ADGRG6: variants seen among roughly 807,000 people sequenced by gnomAD.
ADGRG6 encodes the protein G-protein coupled receptor 126.
ADGRG6 carries 84 observed loss-of-function variants against 142.4 expected under a neutral mutation model. The ratio of observed to expected loss-of-function variants is 0.59; its 90% CI spans 0.49 to 0.71. The LOEUF (loss-of-function observed/expected upper bound fraction) is 0.71, where lower values mean the gene tolerates loss of function less well. Among genes scored for constraint, ADGRG6 ranks in the 30% least tolerant of loss-of-function variants. ADGRG6 has a pLI of 0.00. For missense variants in ADGRG6, 1,367 were observed against 1,466.6 expected (o/e 0.93, Z 1.11); for synonymous variants, 521 against 520.5 (o/e 1.00, Z -0.01).
chr6:142,350,377 T>TG (rs1780112363), intron 2 of ADGRG6, among the ~76,000 whole-genome samples: 1 of 152,196 alleles, frequency 6.6e-6, no homozygotes, highest in Non-Finnish European at 1.5e-5. Flanking sequence ...ATTTCAAAAA[T>TG]GAAGTGCACA....
At chr6:142,423,342 A>G (rs1251940772) in intron 22 of ADGRG6, among the ~76,000 whole-genome samples, 50 of 151,044 alleles carry the variant, frequency 3.3e-4, no homozygotes, top group Middle Eastern at 3.4e-3. Context: ...TGATTTTTGT[A>G]TAAGGTGTAA....
intron 2 of ADGRG6, among the ~76,000 whole-genome samples, chr6:142,317,886 T>G (rs1443873709): frequency 3.5e-4 from 27 of 78,188 alleles, no homozygotes; most frequent in African/African-American, 1.5e-3. Flanking sequence ...TTATATATAT[T>G]TATATTATAT....
chr6:142,427,333 G>A (rs1776993112), intron 22 of ADGRG6, among the ~76,000 whole-genome samples: 1 of 152,108 alleles, frequency 6.6e-6, no homozygotes, highest in Admixed American at 6.6e-5. Context: ...TCTCTAGGGT[G>A]GGATCAAAAT....
chr6:142,440,023 C>G (rs1332517091), intron 24 of ADGRG6, among the ~76,000 whole-genome samples: 1 of 152,038 alleles, frequency 6.6e-6, no homozygotes, highest in Non-Finnish European at 1.5e-5. Context: ...AGGAATTAAA[C>G]CAAATGAATT....
At chr6:142,314,649 A>C in intron 2 of ADGRG6, among the ~76,000 whole-genome samples, 1 of 152,208 alleles carries the variant, frequency 6.6e-6, no homozygotes, top group East Asian at 1.9e-4. Context: ...TTGTTGCATT[A>C]AAAATGGATG....
intron 22 of ADGRG6, among the ~76,000 whole-genome samples, chr6:142,431,115 G>A (rs1055659983): frequency 2.6e-5 from 4 of 151,274 alleles, no homozygotes; most frequent in Non-Finnish European, 5.9e-5. Context: ...TTAAAGCTAA[G>A]CATATATCTC....
At chr6:142,405,662 C>T (rs1418802931) in intron 14 of ADGRG6, 26 bp from the exon 15 acceptor site, 4 of 1,575,636 alleles carry the variant, frequency 2.5e-6, no homozygotes, top group African/African-American at 2.7e-5. Flanking sequence ...GATTACTTGA[C>T]CAATATATCT....
At chr6:142,395,945 GT>G (rs998070176) in intron 9 of ADGRG6, among the ~76,000 whole-genome samples, 2 of 152,064 alleles carry the variant, frequency 1.3e-5, no homozygotes, top group African/African-American at 4.8e-5. Flanking sequence ...CCACAGAGAG[GT>G]TTTTTTCAAA....
intron 9 of ADGRG6, among the ~76,000 whole-genome samples, chr6:142,397,047 A>C (rs551711650): frequency 2.6e-5 from 4 of 151,144 alleles, no homozygotes; most frequent in African/African-American, 9.7e-5. Flanking sequence ...TTATTTTGTG[A>C]AACTTTTTAC....
intron 2 of ADGRG6, among the ~76,000 whole-genome samples, chr6:142,365,596 G>A (rs1332566378): frequency 6.6e-6 from 1 of 152,148 alleles, no homozygotes; most frequent in Non-Finnish European, 1.5e-5. Context: ...CTCCAGGGAT[G>A]GATAAGAGAA....
Position 142,373,177 on chromosome 6 carries a change from A to G in ADGRG6, c.1069+2384A>G, listed in dbSNP as rs903390584. 5.3e-5 allele frequency among the ~76,000 whole-genome samples: 8 copies of G among 152,292 alleles called. No homozygotes were observed. The South Asian group carries it at 1.7e-3, about 32-fold the overall frequency. On this transcript the variant is annotated intron_variant, in intron 4 of 24. Transcript: ENST00000367609. ...GCCAAGCCAGGATTGGAGCTTGGAA[A>G]GTTTGGTATTAGAGCTGTGCTCTTC...
At chr6:142,437,687 G>A (rs900416776) in intron 23 of ADGRG6, among the ~76,000 whole-genome samples, 152 bp downstream of exon 23, 1 of 152,048 alleles carries the variant, frequency 6.6e-6, no homozygotes, top group African/African-American at 2.4e-5. Context: ...GAATATCAGG[G>A]CTGGAAGAGA....
At position 142,309,547 on chromosome 6, in the gene ADGRG6, G is replaced by A; in HGVS notation, c.6G>A (p.Met2Ile). ...TTGCCATCTTCTTTCTTTGCAGGATGTTTCGCTCAGATCGAATGTGGAGCT... is the reference window on the plus strand; with the variant it reads ...TTGCCATCTTCTTTCTTTGCAGGATATTTCGCTCAGATCGAATGTGGAGCT... Reference protein sequence around the residue: MMFRSDRMWSCH... With the variant: MIFRSDRMWSCH... Residue 2 changes from methionine (M) to isoleucine (I), a missense_variant, in exon 2 of 25, where the codon ATG becomes ATA. By Grantham distance (10) the Met-to-Ile change is conservative (BLOSUM62 1). Around this residue, in one of 3 missense-constraint regions of ADGRG6, gnomAD observed 737 missense variants for 746.5 expected, o/e 0.99. Coordinates refer to ENST00000367609, the MANE Select transcript of ADGRG6 (RefSeq NM_198569.3). 3.1e-6 allele frequency: 5 copies of A among 1,605,740 alleles called. No homozygotes were observed. The highest frequency in any genetic ancestry group is 2.2e-5 in the South Asian group (2 of 89,750).
rs546519727 is a variant in ADGRG6 at position 142,436,121 on chromosome 6, T to C, written c.3320-1313T>C. On this transcript the variant is annotated intron_variant, in intron 22 of 24. Coordinates refer to ENST00000367609, the MANE Select transcript of ADGRG6 (RefSeq NM_198569.3). ...TATGTGTTGGAATCCTGGTGGGGGGTAGGGGAGAGAAAGGGGCAGAACCAA... is the reference window on the plus strand; with the variant it reads ...TATGTGTTGGAATCCTGGTGGGGGGCAGGGGAGAGAAAGGGGCAGAACCAA... Among the ~76,000 whole-genome samples, 10 of 151,086 alleles carry C rather than the reference T, an allele frequency of 6.6e-5. No homozygotes were observed. In the South Asian group the frequency reaches 2.1e-3, roughly 32 times the overall value.
At chr6:142,341,269 G>A (rs747883563) in intron 2 of ADGRG6, among the ~76,000 whole-genome samples, 10 of 148,730 alleles carry the variant, frequency 6.7e-5, no homozygotes, top group Non-Finnish European at 1.5e-4. Context: ...GTGACTTTTG[G>A]CAGTTACTTA....
intron 1 of ADGRG6, 22 bp downstream of exon 1, chr6:142,302,353 G>T: frequency 6.2e-7 from 1 of 1,611,828 alleles, no homozygotes; most frequent in Non-Finnish European, 8.5e-7. Context: ...CTTTCAGCTT[G>T]GAATTCCTTC....
chr6:142,411,462 C>T, intron 18 of ADGRG6, 51 bp downstream of exon 18: 1 of 881,812 alleles, frequency 1.1e-6, no homozygotes, highest in East Asian at 2.4e-5. Flanking sequence ...CTTTGGATGG[C>T]ATACTCCTTT....
chr6:142,377,724 A>G (rs978083232), intron 4 of ADGRG6, among the ~76,000 whole-genome samples: 5 of 152,314 alleles, frequency 3.3e-5, no homozygotes, highest in African/African-American at 1.2e-4. Flanking sequence ...TAAATCCATC[A>G]GCCAAAGAAA....
chr6:142,442,150 A>G (rs552197024), intron 24 of ADGRG6, among the ~76,000 whole-genome samples: 9 of 152,204 alleles, frequency 5.9e-5, no homozygotes, highest in Non-Finnish European at 1.3e-4. Context: ...CTCAAAATGT[A>G]AAAAGCATTG....
Sources: allele counts gnomAD v4.1 joint callset (sites outside exome capture counted in the v4.1 genomes callset), GRCh38; gene constraint gnomAD v4.1.1; regional missense constraint gnomAD v4.1.1; transcripts MANE v1.5; gene names NCBI Gene and HGNC (gene_info 2026-07-23, HGNC 2026-07-21).